The following CLSTN2 variants were observed in gnomAD, a reference collection of about 807,000 sequenced individuals.
CLSTN2 encodes the protein calsyntenin 2.
CLSTN2 carries 48 observed loss-of-function variants against 101.2 expected under a neutral mutation model. The observed-to-expected ratio is 0.47, with a 90% CI of 0.38 to 0.60. CLSTN2 has a LOEUF of 0.60. Ranked by LOEUF, CLSTN2 falls within the 20% of genes least tolerant of loss-of-function variation. The probability of loss-of-function intolerance (pLI) is 0.00; values close to 1 mark genes in which losing one functional copy is unlikely to be tolerated. For missense variants in CLSTN2, 1,160 were observed against 1,238.2 expected, an observed-to-expected ratio of 0.94 and a Z score of 0.95; for synonymous variants, 481 against 463.6, an observed-to-expected ratio of 1.04 and a Z score of -0.48.
chr3:140,497,779 C>T (rs887367820), intron 8 of CLSTN2, among the ~76,000 whole-genome samples: 1 of 152,212 alleles, frequency 6.6e-6, no homozygotes, highest in African/African-American at 2.4e-5. Flanking sequence ...TCTGCCAAGA[C>T]TCCACACAGT....
intron 8 of CLSTN2, among the ~76,000 whole-genome samples, chr3:140,529,056 T>C (rs1394401944): frequency 2.6e-5 from 4 of 152,190 alleles, no homozygotes; most frequent in African/African-American, 7.2e-5. Context: ...GAACTTCCAA[T>C]TTGGCCACTT....
intron 1 of CLSTN2, among the ~76,000 whole-genome samples, chr3:139,938,640 T>C (rs1385857335): frequency 6.6e-6 from 1 of 151,954 alleles, no homozygotes; most frequent in Non-Finnish European, 1.5e-5. Context: ...ACCCAAAGAG[T>C]TTCTGGAGGC....
At chr3:140,375,359 C>T (rs1346428651) in intron 2 of CLSTN2, among the ~76,000 whole-genome samples, 1 of 152,124 alleles carries the variant, frequency 6.6e-6, no homozygotes, top group Non-Finnish European at 1.5e-5. Flanking sequence ...GGAAGGGGAC[C>T]CCTTGCTATG....
chr3:140,452,422 A>G (rs904562343), intron 6 of CLSTN2: 7 of 152,092 alleles, frequency 4.6e-5, no homozygotes, highest in African/African-American at 1.5e-4. Flanking sequence ...CCTGCCCTCT[A>G]TGCACACCAG....
chr3:140,310,571 G>A (rs374552227), intron 2 of CLSTN2, among the ~76,000 whole-genome samples: 5 of 152,172 alleles, frequency 3.3e-5, no homozygotes, highest in East Asian at 3.9e-4. Context: ...CCCTCCACTC[G>A]CCTCAGTCAG....
chr3:140,026,872 T>G (rs1398845250), intron 1 of CLSTN2, among the ~76,000 whole-genome samples: 1 of 152,184 alleles, frequency 6.6e-6, no homozygotes, highest in African/African-American at 2.4e-5. Flanking sequence ...GGTGGTCACT[T>G]TTCCTCTTGG....
At chr3:140,562,084 C>A in intron 12 of CLSTN2, 54 bp from the exon 13 acceptor site, 1 of 1,532,030 alleles carries the variant, frequency 6.5e-7, no homozygotes. Flanking sequence ...TTAGCAAGGG[C>A]TGTTTTCTGA....
intron 8 of CLSTN2, among the ~76,000 whole-genome samples, chr3:140,527,030 G>T (rs1224677165): frequency 6.6e-6 from 1 of 152,098 alleles, no homozygotes; most frequent in East Asian, 1.9e-4. Flanking sequence ...CATTGGCAAA[G>T]AATTTATGGC....
At chr3:140,386,096 A>G (rs1282439682) in intron 2 of CLSTN2, among the ~76,000 whole-genome samples, 3 of 152,202 alleles carry the variant, frequency 2.0e-5, no homozygotes, top group Non-Finnish European at 4.4e-5. Flanking sequence ...TACTTTCTTC[A>G]TGCCAGCATT....
intron 2 of CLSTN2, among the ~76,000 whole-genome samples, chr3:140,325,799 ATG>A (rs1249211197): frequency 6.6e-6 from 1 of 152,186 alleles, no homozygotes; most frequent in Admixed American, 6.5e-5. Context: ...CAAATACAGA[ATG>A]TGAAGTCCCG....
intron 1 of CLSTN2, among the ~76,000 whole-genome samples, chr3:140,063,499 C>G (rs945006743): frequency 3.3e-5 from 5 of 152,302 alleles, no homozygotes; most frequent in Admixed American, 6.5e-5. Flanking sequence ...ATATGCATTG[C>G]AGTCTCCAGG....
At chr3:140,447,333 C>A (rs1320973149) in intron 5 of CLSTN2, among the ~76,000 whole-genome samples, 1 of 152,222 alleles carries the variant, frequency 6.6e-6, no homozygotes, top group Non-Finnish European at 1.5e-5. Context: ...GCTGCACAGC[C>A]GTCTCAGACA....
At chr3:140,175,290 A>G (rs550933382) in intron 1 of CLSTN2, among the ~76,000 whole-genome samples, 1 of 152,066 alleles carries the variant, frequency 6.6e-6, no homozygotes, top group African/African-American at 2.4e-5. Context: ...ATTGGTTAAT[A>G]TTTAATTCAG....
chr3:140,205,278 A>G (rs1559805986), intron 2 of CLSTN2, among the ~76,000 whole-genome samples: 1 of 152,194 alleles, frequency 6.6e-6, no homozygotes, highest in Admixed American at 6.5e-5. Flanking sequence ...TCAAATGCGT[A>G]TTGAGCTCTC....
intron 1 of CLSTN2, among the ~76,000 whole-genome samples, chr3:140,016,693 AGAGGCT>A (rs143814815): frequency 0.01 from 1,524 of 150,622 alleles, 20 homozygotes; most frequent in African/African-American, 0.033. Flanking sequence ...CAGCTACTCA[AGAGGCT>A]GAGGCAGGAG....
rs140840956 is a variant in CLSTN2, at chr3:140,305,710, A to T, written c.233-97919A>T. Among the ~76,000 whole-genome samples the T allele has an allele frequency of 1.6e-4, 25 of 152,320 alleles. No homozygotes were observed. In the East Asian group the frequency reaches 4.6e-3, roughly 28 times the overall value. ...AATAGAGCAATGTGCAGCCATGGAA[A>T]TTCAGACTCTTGAAAAATATTTTAA... On this transcript the variant is annotated intron_variant, in intron 2 of 16. Coordinates refer to ENST00000458420, the MANE Select transcript of CLSTN2 (RefSeq NM_022131.3).
intron 2 of CLSTN2, among the ~76,000 whole-genome samples, chr3:140,222,299 TGGTTACAAGCGGCTGGGAAG>T (rs1157098458): frequency 6.6e-6 from 1 of 151,790 alleles, no homozygotes; most frequent in Non-Finnish European, 1.5e-5. Flanking sequence ...AGTAGAAGAA[TGGTTACAAGCGGCTGGGAAG>T]GGTAGTGAGG....
chr3:140,132,680 A>C (rs1359267992), intron 1 of CLSTN2, among the ~76,000 whole-genome samples: 1 of 152,198 alleles, frequency 6.6e-6, no homozygotes, highest in Non-Finnish European at 1.5e-5. Context: ...AATTCTTTTA[A>C]AACAGTTTTA....
intron 1 of CLSTN2, among the ~76,000 whole-genome samples, chr3:140,045,243 C>A (rs1192786533): frequency 6.6e-6 from 1 of 152,136 alleles, no homozygotes; most frequent in Non-Finnish European, 1.5e-5. Context: ...TCAAGTTCTT[C>A]CTGGTTTAGT....
Sources: gnomAD v4.1 joint callset for allele counts (sites outside exome capture counted in the v4.1 genomes callset) on GRCh38, gnomAD v4.1.1 for gene constraint, MANE v1.5 for transcripts, NCBI Gene and HGNC (gene_info 2026-07-23, HGNC 2026-07-21) for gene names.